SMOC1: variants seen among roughly 807,000 people sequenced by gnomAD.
SMOC1 encodes the protein SPARC related modular calcium binding 1, also known as SPARC-related modular calcium-binding protein 1.
In SMOC1, 22 loss-of-function variants were observed where a neutral mutation model predicts 56.3. That is an observed-to-expected ratio of 0.39 (90% CI 0.28 to 0.56). The LOEUF is 0.56. Ranked by LOEUF, SMOC1 falls within the 20% of genes least tolerant of loss-of-function variation. The pLI is 0.61. For synonymous variants in SMOC1, 193 were observed against 215.0 expected, an observed-to-expected ratio of 0.90 and a Z score of 0.89; for missense variants, 509 against 565.4, an observed-to-expected ratio of 0.90 and a Z score of 1.01.
intron 1 of SMOC1, among the ~76,000 whole-genome samples, chr14:69,906,118 C>A (rs866056042): frequency 6.6e-6 from 1 of 152,170 alleles, no homozygotes. Flanking sequence ...CCAAAGATGG[C>A]TGGAACAATC....
intron 1 of SMOC1, among the ~76,000 whole-genome samples, chr14:69,913,840 A>T (rs1382601594): frequency 6.6e-6 from 1 of 152,196 alleles, no homozygotes; most frequent in Non-Finnish European, 1.5e-5. Flanking sequence ...TAGGAATGAC[A>T]TGAGGTTTAT....
At chr14:69,955,625 C>T (rs1404190797) in intron 3 of SMOC1, among the ~76,000 whole-genome samples, 7 of 151,968 alleles carry the variant, frequency 4.6e-5, no homozygotes, top group Admixed American at 3.9e-4. Context: ...TGATTATTCC[C>T]ATCTCTACTG....
intron 1 of SMOC1, among the ~76,000 whole-genome samples, chr14:69,938,683 C>T (rs1882424362): frequency 6.6e-6 from 1 of 152,172 alleles, no homozygotes; most frequent in African/African-American, 2.4e-5. Flanking sequence ...TCCATGACTT[C>T]TGTCGGTGGC....
At chr14:70,000,529 A>T (rs562323939) in intron 7 of SMOC1, among the ~76,000 whole-genome samples, 25 of 152,364 alleles carry the variant, frequency 1.6e-4, no homozygotes, top group African/African-American at 5.8e-4. Context: ...ACTTAATGCC[A>T]TGAGTCAATA....
chr14:70,016,004 G>T (rs1198595444), intron 10 of SMOC1, among the ~76,000 whole-genome samples: 1 of 152,206 alleles, frequency 6.6e-6, no homozygotes, highest in Non-Finnish European at 1.5e-5. Flanking sequence ...ACACCTTCCT[G>T]CAGGCTCCTG....
At chr14:69,977,151 T>A (rs954670663) in intron 4 of SMOC1, among the ~76,000 whole-genome samples, 5 of 152,212 alleles carry the variant, frequency 3.3e-5, no homozygotes, top group Non-Finnish European at 7.3e-5. Context: ...TGACATGGAT[T>A]AGGGAAATAG....
chr14:69,906,396 G>T (rs1275843), intron 1 of SMOC1, among the ~76,000 whole-genome samples: 136,647 of 152,108 alleles, frequency 0.9, 63,184 homozygotes, highest in Non-Finnish European at 1. Flanking sequence ...CGTGTAGGTC[G>T]TCTGGCCAAC....
intron 3 of SMOC1, among the ~76,000 whole-genome samples, chr14:69,974,078 A>T (rs979767258): frequency 6.6e-6 from 1 of 152,230 alleles, no homozygotes; most frequent in African/African-American, 2.4e-5. Flanking sequence ...AGGATAATGG[A>T]TGCCTTTATT....
chr14:69,960,887 C>G (rs1487601629), intron 3 of SMOC1, among the ~76,000 whole-genome samples: 1 of 152,044 alleles, frequency 6.6e-6, no homozygotes, highest in Non-Finnish European at 1.5e-5. Flanking sequence ...TTTATTTATT[C>G]TTTAAAATAA....
At chr14:69,915,675 T>G (rs978455448) in intron 1 of SMOC1, among the ~76,000 whole-genome samples, 1 of 152,222 alleles carries the variant, frequency 6.6e-6, no homozygotes, top group Admixed American at 6.5e-5. Flanking sequence ...CTTGTCAGTG[T>G]CACCAATGAC....
At chr14:69,952,053 G>C (rs974883696) in intron 1 of SMOC1, 85 bp from the exon 2 acceptor site, 1 of 1,486,840 alleles carries the variant, frequency 6.7e-7, no homozygotes, top group African/African-American at 1.4e-5. Context: ...CTTTCTAAAG[G>C]CAAACAAGTA....
chr14:69,916,365 G>A (rs61980629), intron 1 of SMOC1, among the ~76,000 whole-genome samples: 12,276 of 152,330 alleles, frequency 0.081, 629 homozygotes, highest in Non-Finnish European at 0.12. Context: ...CAGGATAACT[G>A]CAGTAGTTGC....
At chr14:69,944,995 C>G in intron 1 of SMOC1, among the ~76,000 whole-genome samples, 1 of 152,142 alleles carries the variant, frequency 6.6e-6, no homozygotes, top group Non-Finnish European at 1.5e-5. Context: ...TACCTTTAAT[C>G]ACTATACATT....
At chr14:69,913,951 A>G (rs956990961) in intron 1 of SMOC1, among the ~76,000 whole-genome samples, 4 of 152,242 alleles carry the variant, frequency 2.6e-5, no homozygotes, top group Non-Finnish European at 5.9e-5. Flanking sequence ...GTTAGAGTGG[A>G]AATGCTCAAG....
At chr14:69,996,857 A>G (rs993647532) in intron 7 of SMOC1, among the ~76,000 whole-genome samples, 6 of 152,328 alleles carry the variant, frequency 3.9e-5, no homozygotes, top group East Asian at 1.9e-4. Flanking sequence ...CTTTGATATA[A>G]TTATGTATAA....
chr14:69,971,188 T>A (rs1033266113), intron 3 of SMOC1, among the ~76,000 whole-genome samples: 6 of 152,182 alleles, frequency 3.9e-5, no homozygotes, highest in African/African-American at 1.4e-4. Context: ...CTACTAATTT[T>A]TGTATTTTTA....
intron 3 of SMOC1, among the ~76,000 whole-genome samples, 189 bp from the exon 4 acceptor site, chr14:69,975,526 A>G (rs1269500689): frequency 6.6e-6 from 1 of 152,240 alleles, no homozygotes; most frequent in Non-Finnish European, 1.5e-5. Flanking sequence ...GGAGTCCCAC[A>G]GCAACCATGT....
intron 1 of SMOC1, among the ~76,000 whole-genome samples, chr14:69,934,919 T>C (rs924509888): frequency 5.3e-5 from 8 of 152,216 alleles, no homozygotes; most frequent in East Asian, 1.9e-4. Flanking sequence ...GAAGATTACC[T>C]CTTGGGTGGT....
intron 3 of SMOC1, among the ~76,000 whole-genome samples, chr14:69,958,872 C>T: frequency 6.6e-6 from 1 of 152,126 alleles, no homozygotes; most frequent in East Asian, 1.9e-4. Context: ...GTTGTAGAGG[C>T]TTATGTAATA....
Sources: allele counts gnomAD v4.1 joint callset (sites outside exome capture counted in the v4.1 genomes callset), GRCh38; gene constraint gnomAD v4.1.1; transcripts MANE v1.5; gene names NCBI Gene and HGNC (gene_info 2026-07-23, HGNC 2026-07-21).